The following POLA1 variants were observed in gnomAD, a reference collection of about 807,000 sequenced individuals.
The protein encoded by POLA1 is DNA polymerase alpha catalytic subunit.
Under a neutral mutation model 124.0 loss-of-function variants are expected in POLA1, and 15 were observed. The ratio of observed to expected loss-of-function variants is 0.12; its 90% CI spans 0.08 to 0.19. The LOEUF (loss-of-function observed/expected upper bound fraction) is 0.19. Ranked by LOEUF, POLA1 falls within the 10% of genes least tolerant of loss-of-function variation. The probability of loss-of-function intolerance (pLI) is 1.00; values close to 1 mark genes in which losing one functional copy is unlikely to be tolerated. For synonymous variants in POLA1, 408 were observed against 389.4 expected (o/e 1.05, Z -0.56); for missense variants, 886 against 1,103.4 (o/e 0.80, Z 2.79).
chrX:24,724,375 T>C lies in POLA1; in HGVS notation c.1241T>C (p.Ile414Thr). Residue 414 changes from isoleucine (I) to threonine (T), a missense_variant, in exon 12 of 37, where the codon ATT becomes ACT. Ile to Thr is a moderately conservative substitution (Grantham distance 89). This residue lies in a region of POLA1 where 337 missense variants were observed against 402.8 expected (regional missense o/e 0.84). Transcript: ENST00000379068. ...LNTGKETGTP[I>T]SMKDVYEEFD... ...ACGGGGAAAGAAACAGGAACTCCAA[T>C]TTCAATGAAGGATGTTTATGAGGAA... is the stretch of plus-strand genomic sequence containing the variant. The C allele has an allele frequency of 8.7e-7, 1 of 1,144,384 alleles. No homozygotes were observed. The highest frequency in any genetic ancestry group is 1.2e-6 in the Non-Finnish European group (1 of 839,605). 94.3% of individuals were successfully genotyped at this position (1,144,384 alleles called of 1,213,427 possible).
chrX:24,748,448 C>A lies in POLA1; in HGVS notation c.2829C>A (p.Asp943Glu). The change falls in exon 25 of 37, where the codon GAC becomes GAA. Residue 943 changes from aspartate (D) to glutamate (E), a missense_variant. Physicochemically the swap from Asp to Glu is conservative, Grantham distance 45 (BLOSUM62 2). Transcript: ENST00000379068. ...TGAAACAGCAAGACTTAAATCCAGA[C>A]CTTATTCTTCAGGTATATCTTTTCA... ...QLMKQQDLNPDLILQYDIRQK... is the reference protein window; with the variant it reads ...QLMKQQDLNPELILQYDIRQK... 8.4e-7 allele frequency: 1 copy of A among 1,190,764 alleles called. No homozygotes were observed. The highest frequency in any genetic ancestry group is 1.1e-6 in the Non-Finnish European group (1 of 880,722).
Position 24,930,539 on chromosome X carries a change from T to G in POLA1, c.4251T>G (p.Asp1417Glu), listed in dbSNP as rs1250149976. ...AECALEKLTT[D>E]HEKDKLKKQF... ...GTGCACTGGAGAAACTTACTACCGA[T>G]CATGAGAAAGGTACGTTAAAATACT... is the stretch of plus-strand genomic sequence containing the variant. The change falls in exon 36 of 37, where the codon GAT (aspartate) becomes GAG (glutamate). Residue 1417 changes from aspartate (D) to glutamate (E), a missense_variant. This residue lies in a region of POLA1 where 313 missense variants were observed against 359.7 expected (regional missense o/e 0.87). Transcript: ENST00000379068. 1 of 1,150,698 alleles carries G rather than the reference T, an allele frequency of 8.7e-7. No individual in the cohort carries two copies. The highest frequency in any genetic ancestry group is 1.8e-5 in the African/African-American group (1 of 56,232). 94.8% of individuals were successfully genotyped at this position (1,150,698 alleles called of 1,213,427 possible). A position where few individuals can be genotyped will look rare whatever the true frequency, so the allele number is the denominator to read the frequency against.
chrX:24,921,368 C>A (rs1407848395), intron 35 of POLA1, among the ~76,000 whole-genome samples: 2 of 112,148 alleles, frequency 1.8e-5, no homozygotes, highest in African/African-American at 6.5e-5. Context: ...AAAAGTGATA[C>A]ATGCCATTAA....
intron 26 of POLA1, among the ~76,000 whole-genome samples, chrX:24,797,107 G>T (rs1432997448): frequency 1.8e-5 from 2 of 110,793 alleles, no homozygotes; most frequent in African/African-American, 6.6e-5. Flanking sequence ...GTATTCTCCA[G>T]ATGTTTTATA....
At chrX:24,733,450 G>A (rs957821270) in intron 16 of POLA1, among the ~76,000 whole-genome samples, 17 of 112,221 alleles carry the variant, frequency 1.5e-4, no homozygotes, top group African/African-American at 5.2e-4. Flanking sequence ...TGTTGCTTGC[G>A]GCATTGGTGG....
intron 32 of POLA1, among the ~76,000 whole-genome samples, chrX:24,835,692 T>A (rs2046333310): frequency 9.0e-6 from 1 of 110,924 alleles, no homozygotes; most frequent in African/African-American, 3.3e-5. Context: ...TTCCTCTGTC[T>A]CCTATGTTTC....
At position 24,995,847 on chromosome X, in the gene POLA1, A is replaced by G. The variant is rs1229620410; in HGVS notation, c.4304A>G (p.Asp1435Gly). 8.3e-7 allele frequency: 1 copy of G among 1,205,584 alleles called. No homozygotes were observed. The highest frequency in any genetic ancestry group is 3.0e-5 in the East Asian group (1 of 33,819). Residue 1435 changes from aspartate to glycine, a missense_variant, in exon 37 of 37, where the codon GAC (aspartate) becomes GGC (glycine). By Grantham distance (94) the Asp-to-Gly change is moderately conservative (BLOSUM62 -1). Transcript: ENST00000379068. ...TTTTTTACCCCCAAAGTTCTGCAGG[A>G]CTACAGAAAACTCAAGAACACAGCA... ...KQFFTPKVLQ[D>G]YRKLKNTAEQ...
Position 24,739,521 on chromosome X carries a change from C to T in POLA1, c.2187C>T (p.Ile729=), listed in dbSNP as rs746291866. 7.6e-6 allele frequency: 9 copies of T among 1,181,709 alleles called. No individual in the cohort carries two copies. Among genetic ancestry groups the T allele is most frequent in the African/African-American group, 1.8e-5 (1 of 56,442 alleles). ...QQILKTERVV[I]PMENIQNMYS... ...TTCTAAAAACTGAAAGGGTTGTAATCCCAATGGAAAATATACAAAATATGT... is the reference window on the plus strand; with the variant it reads ...TTCTAAAAACTGAAAGGGTTGTAATTCCAATGGAAAATATACAAAATATGT... The change falls in exon 20 of 37, where the codon ATC becomes ATT. Residue 729 remains isoleucine (I), a synonymous_variant. Coordinates refer to ENST00000379068, the MANE Select transcript of POLA1 (RefSeq NM_001330360.2).
intron 36 of POLA1, among the ~76,000 whole-genome samples, chrX:24,930,945 G>A (rs943385349): frequency 6.3e-5 from 7 of 111,980 alleles, no homozygotes; most frequent in African/African-American, 1.6e-4. Context: ...TGTCTCTGCT[G>A]TTCGCTAAAA....
intron 15 of POLA1, among the ~76,000 whole-genome samples, chrX:24,728,864 G>C (rs1930713856): frequency 8.9e-6 from 1 of 112,114 alleles, no homozygotes; most frequent in Non-Finnish European, 1.9e-5. Flanking sequence ...AATATTTACT[G>C]TCTGGCTCTT....
At chrX:24,862,406 C>T (rs1206191927) in intron 34 of POLA1, among the ~76,000 whole-genome samples, 1 of 111,531 alleles carries the variant, frequency 9.0e-6, no homozygotes, top group African/African-American at 3.3e-5. Flanking sequence ...AAAAAAGTTG[C>T]CTTATTTCTC....
chrX:24,919,581 A>G (rs1282422439), intron 35 of POLA1, among the ~76,000 whole-genome samples: 1 of 111,360 alleles, frequency 9.0e-6, no homozygotes, highest in African/African-American at 3.3e-5. Context: ...AAGTATATAC[A>G]TAGACTGTGG....
intron 26 of POLA1, among the ~76,000 whole-genome samples, chrX:24,786,990 G>A (rs1207802015): frequency 9.2e-6 from 1 of 108,519 alleles, no homozygotes; most frequent in African/African-American, 3.4e-5. Context: ...TGCCCAGGCT[G>A]GTCTTGAACT....
At chrX:24,908,194 C>A in intron 35 of POLA1, among the ~76,000 whole-genome samples, 1 of 110,030 alleles carries the variant, frequency 9.1e-6, no homozygotes, top group South Asian at 3.9e-4. Flanking sequence ...CTCTAAGCTG[C>A]CTTCAAGAAA....
chrX:24,835,400 T>C lies in POLA1; in HGVS notation c.3737-6252T>C, dbSNP rs772150022. Among the ~76,000 whole-genome samples the C allele has an allele frequency of 1.4e-4, 16 of 111,483 alleles. No homozygotes were observed. The South Asian group carries it at 1.9e-3, about 13-fold the overall frequency. ...GATTCCCCTTTTCAGCATAACTACA[T>C]TATTATCACATCACACCAAAAAACC... On this transcript the variant is annotated intron_variant, in intron 32 of 36. Coordinates refer to ENST00000379068, the MANE Select transcript of POLA1 (RefSeq NM_001330360.2).
Position 24,903,575 on chromosome X carries a change from T to C in POLA1, c.4164+15453T>C, listed in dbSNP as rs189835230. 2.7e-5 allele frequency among the ~76,000 whole-genome samples: 3 copies of C among 112,014 alleles called. No homozygotes were observed. In the East Asian group the frequency reaches 8.4e-4, roughly 31 times the overall value. On this transcript the variant is annotated intron_variant, in intron 35 of 36. Coordinates refer to ENST00000379068, the MANE Select transcript of POLA1 (RefSeq NM_001330360.2). ...ACAGTTCTTAAAATATGACAACATA[T>C]AGAATTAATACATCAGTGCTGAAGA...
intron 2 of POLA1, among the ~76,000 whole-genome samples, 194 bp from the exon 3 acceptor site, chrX:24,703,057 A>G (rs925943601): frequency 3.6e-5 from 4 of 112,305 alleles, no homozygotes; most frequent in Non-Finnish European, 5.6e-5. Context: ...CCCACCTAAA[A>G]GGAATACTAA....
At chrX:24,799,782 A>G (rs2045675021) in intron 26 of POLA1, among the ~76,000 whole-genome samples, 1 of 111,693 alleles carries the variant, frequency 9.0e-6, no homozygotes, top group Non-Finnish European at 1.9e-5. Flanking sequence ...GGTGGGGGAG[A>G]AAGTTACATG....
At chrX:24,862,413 TCTC>T (rs1253742172) in intron 34 of POLA1, among the ~76,000 whole-genome samples, 1 of 111,870 alleles carries the variant, frequency 8.9e-6, no homozygotes, top group Non-Finnish European at 1.9e-5. Context: ...TTGCCTTATT[TCTC>T]CTCCTTAAGC....
Sources: gnomAD v4.1 joint callset for allele counts (sites outside exome capture counted in the v4.1 genomes callset) on GRCh38, gnomAD v4.1.1 for gene constraint, gnomAD v4.1.1 regional missense constraint, MANE v1.5 for transcripts, NCBI Gene and HGNC (gene_info 2026-07-23, HGNC 2026-07-21) for gene names.